Variants in PTK2B observed in about 807,000 individuals in gnomAD.
PTK2B encodes the protein protein tyrosine kinase 2 beta, also known as protein-tyrosine kinase 2-beta.
A neutral mutation model predicts 142.9 loss-of-function variants in PTK2B; 71 were observed. The ratio of observed to expected loss-of-function variants is 0.50; its 90% CI spans 0.41 to 0.61. PTK2B has a LOEUF of 0.61. Among genes scored for constraint, PTK2B ranks in the 20% least tolerant of loss-of-function variants. The probability of loss-of-function intolerance (pLI) is 0.00; values close to 1 mark genes in which losing one functional copy is unlikely to be tolerated. For synonymous variants in PTK2B, 519 were observed against 503.4 expected, an observed-to-expected ratio of 1.03 and a Z score of -0.42; for missense variants, 1,105 against 1,320.4, an observed-to-expected ratio of 0.84 and a Z score of 2.53.
At chr8:27,338,383 G>T (rs1804202333) in intron 1 of PTK2B, among the ~76,000 whole-genome samples, 1 of 151,980 alleles carries the variant, frequency 6.6e-6, no homozygotes, top group African/African-American at 2.4e-5. Flanking sequence ...GGACTTTGGG[G>T]GAATCGAGGG....
intron 1 of PTK2B, among the ~76,000 whole-genome samples, chr8:27,341,052 A>G (rs1405985555): frequency 3.9e-5 from 6 of 152,098 alleles, no homozygotes; most frequent in Non-Finnish European, 8.8e-5. Flanking sequence ...TTTTGCCCCA[A>G]CAATTGGGCT....
chr8:27,349,765 C>A (rs1168870471), intron 1 of PTK2B, among the ~76,000 whole-genome samples: 1 of 152,202 alleles, frequency 6.6e-6, no homozygotes, highest in African/African-American at 2.4e-5. Context: ...ATTTTTGCAC[C>A]TGTAAAATGA....
chr8:27,363,394 G>A lies in PTK2B; in HGVS notation c.-37-34154G>A, dbSNP rs1340064118. On this transcript the variant is annotated intron_variant, in intron 1 of 30. Transcript: ENST00000346049. This position sits in a 1 kb window ranked among gnomAD's most constrained non-coding sequence, Gnocchi z 4.3. ...GCATCTCCATGAGCAGGCCCAGGAA[G>A]TTACAGAAAAGTAGATTTGGGATGA... 6.6e-6 allele frequency among the ~76,000 whole-genome samples: 1 copy of A among 152,192 alleles called. No homozygotes were observed. The highest frequency in any genetic ancestry group is 1.5e-5 in the Non-Finnish European group (1 of 68,032).
At chr8:27,312,172 C>T (rs987602545) in intron 1 of PTK2B, 1 of 152,194 alleles carries the variant, frequency 6.6e-6, no homozygotes, top group African/African-American at 2.4e-5. Flanking sequence ...TTACAGCCTC[C>T]AGATGCAGAA....
intron 2 of PTK2B, among the ~76,000 whole-genome samples, chr8:27,405,014 C>T (rs935018460): frequency 1.3e-5 from 2 of 148,758 alleles, no homozygotes; most frequent in African/African-American, 2.5e-5. Flanking sequence ...CTCCCCCTCC[C>T]TCCCTTCCTC....
intron 1 of PTK2B, among the ~76,000 whole-genome samples, chr8:27,375,699 T>C (rs1806625837): frequency 6.6e-6 from 1 of 152,184 alleles, no homozygotes; most frequent in Non-Finnish European, 1.5e-5. Flanking sequence ...TCTTTCCCTG[T>C]CCCATGTGCC....
chr8:27,431,003 G>C lies in PTK2B; in HGVS notation c.797G>C (p.Arg266Pro). ...GFANIDQETYRCELIQGWNIT... is the reference protein window; with the variant it reads ...GFANIDQETYPCELIQGWNIT... ...GCCAACATCGACCAGGAGACCTACC[G>C]CTGTGAACTCATTGTAATGGCGGGC... Residue 266 changes from arginine (R) to proline (P), a missense_variant, in exon 8 of 31, where the codon CGC (arginine) becomes CCC (proline). Physicochemically the swap from Arg to Pro is moderately radical, Grantham distance 103. Transcript: ENST00000346049. The C allele has an allele frequency of 6.2e-7, 1 of 1,613,700 alleles. No homozygotes were observed. The highest frequency in any genetic ancestry group is 8.5e-7 in the Non-Finnish European group (1 of 1,179,778).
chr8:27,422,784 A>G (rs1809845473), intron 5 of PTK2B, among the ~76,000 whole-genome samples: 1 of 152,214 alleles, frequency 6.6e-6, no homozygotes, highest in Non-Finnish European at 1.5e-5. Context: ...CATCTCCAGT[A>G]GGCACTTGAT....
intron 1 of PTK2B, among the ~76,000 whole-genome samples, chr8:27,358,372 A>G (rs561823482): frequency 2.6e-5 from 4 of 152,312 alleles, no homozygotes; most frequent in African/African-American, 9.6e-5. Flanking sequence ...GTTTTGGTGC[A>G]TATAAGCTTA....
chr8:27,311,387 G>C, upstream of PTK2B: 1 of 988,674 alleles, frequency 1.0e-6, no homozygotes. Context: ...CGTGCGGGGG[G>C]GATGGCGAGG....
At chr8:27,449,318 T>A (rs929098673) in intron 24 of PTK2B, among the ~76,000 whole-genome samples, 3 of 152,208 alleles carry the variant, frequency 2.0e-5, no homozygotes, top group African/African-American at 7.2e-5. Flanking sequence ...GAAACCTAAC[T>A]CATGGGGAAA....
At chr8:27,334,526 C>A (rs2129663970) in intron 1 of PTK2B, among the ~76,000 whole-genome samples, 1 of 152,356 alleles carries the variant, frequency 6.6e-6, no homozygotes, top group East Asian at 1.9e-4. Flanking sequence ...TTCTGGGCTT[C>A]TTTGCATCCT....
chr8:27,329,095 G>C (rs557836658), intron 1 of PTK2B, among the ~76,000 whole-genome samples: 1 of 151,948 alleles, frequency 6.6e-6, no homozygotes, highest in African/African-American at 2.4e-5. Context: ...GCACCACCAC[G>C]TCCAGCTAAT....
chr8:27,328,326 T>A (rs967965566), intron 1 of PTK2B, among the ~76,000 whole-genome samples: 1 of 152,178 alleles, frequency 6.6e-6, no homozygotes, highest in African/African-American at 2.4e-5. Flanking sequence ...AAAGTAGCGC[T>A]AAGAGATAGA....
In PTK2B at chr8:27,366,816, A is replaced by G. The variant is rs371986664; in HGVS notation, c.-37-30732A>G. Among the ~76,000 whole-genome samples, 693 of 151,906 alleles carry G rather than the reference A, an allele frequency of 4.6e-3. 8 individuals are homozygous for G. Among genetic ancestry groups the G allele is most frequent in the East Asian group, 0.037 (192 of 5,150 alleles). On this transcript the variant is annotated intron_variant, in intron 1 of 30. Transcript: ENST00000346049. The stretch of plus-strand genomic sequence containing the variant: ...TTTGTGGCTGTGTGGCTGTGTGTGG[A>G]GAGCAGAGGGCAATGCTGGGCTGGG...
At chr8:27,382,408 C>G (rs1586201260) in intron 1 of PTK2B, among the ~76,000 whole-genome samples, 1 of 152,144 alleles carries the variant, frequency 6.6e-6, no homozygotes, top group East Asian at 1.9e-4. Flanking sequence ...TACAGGTTGC[C>G]TGGTCCACTC....
intron 1 of PTK2B, among the ~76,000 whole-genome samples, chr8:27,361,807 A>G (rs1020454280): frequency 3.5e-4 from 53 of 152,152 alleles, no homozygotes; most frequent in Non-Finnish European, 6.5e-4. Flanking sequence ...ATGTGGATGG[A>G]CTAGGCTGTG....
At chr8:27,391,967 C>T (rs1423806903) in intron 1 of PTK2B, among the ~76,000 whole-genome samples, 1 of 152,142 alleles carries the variant, frequency 6.6e-6, no homozygotes, top group Non-Finnish European at 1.5e-5. Flanking sequence ...TGACTCTGCT[C>T]CGACGGTCTG....
chr8:27,434,770 A>G lies in PTK2B; in HGVS notation c.1192+211A>G, dbSNP rs1896959. On this transcript the variant is annotated intron_variant, in intron 13 of 30. Transcript: ENST00000346049. ...TAATCCCAGCACTTTGGGAGGCCAA[A>G]GTGGATGGATCATGAGGTCAAGAAA... 0.83 allele frequency among the ~76,000 whole-genome samples: 126,423 copies of G among 151,998 alleles called. 52,932 individuals carry two copies. Among genetic ancestry groups the G allele is most frequent in the Middle Eastern group, 0.94 (275 of 294 alleles).
Sources: allele counts gnomAD v4.1 joint callset (sites outside exome capture counted in the v4.1 genomes callset), GRCh38; gene constraint gnomAD v4.1.1; non-coding constraint Gnocchi (gnomAD v3.1); transcripts MANE v1.5; gene names NCBI Gene and HGNC (gene_info 2026-07-23, HGNC 2026-07-21).